The following ELOA variants were observed in gnomAD, a reference collection of about 807,000 sequenced individuals.
ELOA encodes the protein elongin-A.
ELOA carries 15 observed loss-of-function variants against 85.2 expected under a neutral mutation model. The observed-to-expected ratio is 0.18, with a 90% confidence interval of 0.12 to 0.27. The LOEUF (loss-of-function observed/expected upper bound fraction) is 0.27. ELOA is among the 10% of genes least tolerant of loss of function. The pLI, the probability that ELOA is intolerant of heterozygous loss-of-function variation, is 1.00. For missense variants in ELOA, 769 were observed against 952.7 expected, an observed-to-expected ratio of 0.81 and a Z score of 2.54; for synonymous variants, 348 against 357.2, an observed-to-expected ratio of 0.97 and a Z score of 0.29.
intron 3 of ELOA, among the ~76,000 whole-genome samples, 157 bp downstream of exon 3, chr1:23,750,105 A>G (rs1293646136): frequency 6.6e-6 from 1 of 152,072 alleles, no homozygotes; most frequent in Non-Finnish European, 1.5e-5. Flanking sequence ...AATATTAAAA[A>G]TAGAAATCAA....
chr1:23,746,633 G>T (rs1644748524), intron 1 of ELOA, among the ~76,000 whole-genome samples: 1 of 130,216 alleles, frequency 7.7e-6, no homozygotes, highest in Non-Finnish European at 1.5e-5. Flanking sequence ...AAAAAAAAAG[G>T]ATCCTCGTCC....
chr1:23,746,761 C>T (rs1169641961), intron 1 of ELOA, among the ~76,000 whole-genome samples: 1 of 152,192 alleles, frequency 6.6e-6, no homozygotes, highest in African/African-American at 2.4e-5. Flanking sequence ...GATGCCTCAA[C>T]ATGTACCTTG....
chr1:23,756,841 G>A (rs1644796366), intron 9 of ELOA, 112 bp from the exon 10 acceptor site: 1 of 1,117,434 alleles, frequency 8.9e-7, no homozygotes, highest in Non-Finnish European at 1.2e-6. Flanking sequence ...AGGGTCCATT[G>A]GTCAAAGCCA....
chr1:23,744,459 CTT>C (rs1401383065), intron 1 of ELOA, among the ~76,000 whole-genome samples: 1 of 138,566 alleles, frequency 7.2e-6, no homozygotes. Context: ...TTTTTTTTTT[CTT>C]TTTTTTTTTT....
At chr1:23,756,515 C>A in intron 9 of ELOA, 130 bp downstream of exon 9, 1 of 732,102 alleles carries the variant, frequency 1.4e-6, no homozygotes, top group Non-Finnish European at 2.2e-6. Flanking sequence ...CAGACCTCAT[C>A]AGCTCAGCAC....
In ELOA at chr1:23,758,285, T is replaced by A. The variant is rs1291273507; in HGVS notation, c.2257+1160T>A. Among the ~76,000 whole-genome samples, 76 of 117,118 alleles carry A rather than the reference T, an allele frequency of 6.5e-4. 3 individuals are homozygous for A. The highest frequency in any genetic ancestry group is 3.9e-3 in the Middle Eastern group (1 of 258). The allele number at this position is 117,118 out of a possible 152,430, so 76.8% of individuals were successfully genotyped here. A position where few individuals can be genotyped will look rare whatever the true frequency, so the allele number is the denominator to read the frequency against. On this transcript the variant is annotated intron_variant, in intron 10 of 10. Transcript: ENST00000613537. ...TTTTTTTTTTTTTTTTTTTTTTTTT[T>A]TTTTTGGAGACAGAGTCTCACTCTG...
At chr1:23,753,528 A>G (rs1644781731) in intron 5 of ELOA, among the ~76,000 whole-genome samples, 1 of 152,148 alleles carries the variant, frequency 6.6e-6, no homozygotes, top group Admixed American at 6.5e-5. Context: ...GAAGCCACAT[A>G]AGGGTCTATC....
At chr1:23,747,347 C>A (rs2124457139) in intron 1 of ELOA, among the ~76,000 whole-genome samples, 1 of 152,314 alleles carries the variant, frequency 6.6e-6, no homozygotes, top group East Asian at 1.9e-4. Context: ...ATTTGACTTT[C>A]CAGCTTGTTA....
intron 7 of ELOA, 53 bp downstream of exon 7, chr1:23,754,513 G>A (rs1644786237): frequency 7.1e-7 from 1 of 1,410,462 alleles, no homozygotes; most frequent in Admixed American, 1.7e-5. Flanking sequence ...TGTACCTCCA[G>A]AAATAGCTTT....
Position 23,751,913 on chromosome 1 carries a change from TA to T in ELOA, c.1316del (p.Asn439MetfsTer19), listed in dbSNP as rs766700925. 6.2e-7 allele frequency: 1 copy of T among 1,613,448 alleles called. No homozygotes were observed. The highest frequency in any genetic ancestry group is 8.5e-7 in the Non-Finnish European group (1 of 1,179,890). On this transcript the variant is annotated frameshift_variant, in exon 4 of 11. Transcript: ENST00000613537. LOFTEE classifies it high-confidence loss of function. ...SATALGDKGLKKNDSKSTGKN... is the reference protein window; with the variant it reads ...SATALGDKGLXKNDSKSTGKN... ...CCACGGCACTTGGAGATAAAGGACT[TA>T]AAAAAAATGACTCTAAAAGCACTGG...
chr1:23,748,605 T>A (rs1239197600), intron 1 of ELOA, among the ~76,000 whole-genome samples: 3 of 152,246 alleles, frequency 2.0e-5, no homozygotes, highest in African/African-American at 7.2e-5. Context: ...GGCCTTTTCT[T>A]CCTTTTACTT....
At position 23,756,480 on chromosome 1, in the gene ELOA, C is replaced by T; in HGVS notation, c.2084+95C>T. The stretch of plus-strand genomic sequence containing the variant: ...CAAATTGCTTTTGGTGAAAGTGAGG[C>T]AGTGCAGACTGTGGGCTCTGGAGGC... On this transcript the variant is annotated intron_variant, in intron 9 of 10. Transcript: ENST00000613537. 6 of 1,088,136 alleles carry T rather than the reference C, an allele frequency of 5.5e-6. No homozygotes were observed. In the South Asian group the frequency reaches 5.5e-5, roughly 10 times the overall value. 67.4% of individuals were successfully genotyped at this position (1,088,136 alleles called of 1,614,324 possible). A position where few individuals can be genotyped will look rare whatever the true frequency, so the allele number is the denominator to read the frequency against.
chr1:23,749,769 G>A, intron 2 of ELOA, 73 bp from the exon 3 acceptor site: 3 of 1,313,540 alleles, frequency 2.3e-6, no homozygotes, highest in Non-Finnish European at 3.2e-6. Flanking sequence ...TCTCAAAGTA[G>A]AAAGCCTTAT....
chr1:23,761,391 C>T lies in ELOA; in HGVS notation c.*1818C>T, dbSNP rs1214824080. On this transcript the variant is annotated 3_prime_UTR_variant, in exon 11 of 11. Coordinates refer to ENST00000613537, the MANE Select transcript of ELOA (RefSeq NM_003198.3). ...GGTGTCTACCACCTTGAATTTATCTCTTAACTGTGTGTTCAAGTCTTTGTC... is the reference window on the plus strand; with the variant it reads ...GGTGTCTACCACCTTGAATTTATCTTTTAACTGTGTGTTCAAGTCTTTGTC... The T allele has an allele frequency of 6.6e-6, 1 of 152,146 alleles. No homozygotes were observed. The highest frequency in any genetic ancestry group is 2.4e-5 in the African/African-American group (1 of 41,420). The allele number at this position is 152,146 out of a possible 1,614,324, so 9.4% of individuals were successfully genotyped here.
At chr1:23,745,330 T>C (rs1273855808) in intron 1 of ELOA, among the ~76,000 whole-genome samples, 1 of 152,228 alleles carries the variant, frequency 6.6e-6, no homozygotes, top group African/African-American at 2.4e-5. Flanking sequence ...CAGTGCCATA[T>C]AATAACTACC....
chr1:23,756,417 T>G, intron 9 of ELOA, 32 bp downstream of exon 9: 1 of 1,536,572 alleles, frequency 6.5e-7, no homozygotes, highest in Non-Finnish European at 8.8e-7. Flanking sequence ...GGCTTTTGTG[T>G]GCTATCAACC....
intron 3 of ELOA, among the ~76,000 whole-genome samples, chr1:23,750,366 A>G (rs904565123): frequency 1.4e-4 from 22 of 151,830 alleles, no homozygotes; most frequent in Non-Finnish European, 4.4e-5. Context: ...TAGTAGAGAC[A>G]GGGTTTCGCC....
chr1:23,749,748 CT>C, intron 2 of ELOA, 93 bp from the exon 3 acceptor site: 2 of 1,053,208 alleles, frequency 1.9e-6, no homozygotes, highest in Non-Finnish European at 2.8e-6. Context: ...GGAAGTATTG[CT>C]TGTTGAGTTT....
At chr1:23,747,411 A>G (rs535153437) in intron 1 of ELOA, among the ~76,000 whole-genome samples, 14 of 152,310 alleles carry the variant, frequency 9.2e-5, no homozygotes, top group Admixed American at 6.5e-4. Context: ...AAATGGGGAG[A>G]ATAACATCCA....
Sources: allele counts gnomAD v4.1 joint callset (sites outside exome capture counted in the v4.1 genomes callset), GRCh38; gene constraint gnomAD v4.1.1; transcripts MANE v1.5; gene names NCBI Gene and HGNC (gene_info 2026-07-23, HGNC 2026-07-21).